The following HIVEP2 variants were observed in gnomAD, a reference collection of about 807,000 sequenced individuals.
HIVEP2 encodes the protein HIVEP zinc finger 2.
In HIVEP2, 14 loss-of-function variants were observed where a neutral mutation model predicts 180.7. The observed-to-expected ratio is 0.08, with a 90% CI of 0.05 to 0.12. HIVEP2 has a LOEUF of 0.12. Ranked by LOEUF, HIVEP2 falls within the 10% of genes least tolerant of loss-of-function variation. The pLI, the probability that HIVEP2 is intolerant of heterozygous loss-of-function variation, is 1.00. For missense variants in HIVEP2, 2,579 were observed against 3,008.5 expected, an observed-to-expected ratio of 0.86 and a Z score of 3.34; for synonymous variants, 1,184 against 1,136.4, an observed-to-expected ratio of 1.04 and a Z score of -0.84.
chr6:142,892,942 G>A (rs1359169380), intron 1 of HIVEP2, among the ~76,000 whole-genome samples: 2 of 152,172 alleles, frequency 1.3e-5, no homozygotes, highest in Non-Finnish European at 2.9e-5. Context: ...GGAGCTCGGC[G>A]AGGCTTCGTA....
At chr6:142,928,137 A>G (rs915252991) in intron 1 of HIVEP2, among the ~76,000 whole-genome samples, 1 of 152,206 alleles carries the variant, frequency 6.6e-6, no homozygotes, top group Non-Finnish European at 1.5e-5. Context: ...GTACCACTCT[A>G]GCGCAAGACT....
chr6:142,899,450 G>T (rs1254631515), intron 1 of HIVEP2, among the ~76,000 whole-genome samples: 1 of 152,096 alleles, frequency 6.6e-6, no homozygotes, highest in African/African-American at 2.4e-5. Flanking sequence ...TTCACTTCTA[G>T]ACCATTAGCT....
chr6:142,780,971 T>C (rs1231435110), intron 3 of HIVEP2, among the ~76,000 whole-genome samples: 1 of 152,218 alleles, frequency 6.6e-6, no homozygotes, highest in Non-Finnish European at 1.5e-5. Flanking sequence ...TTTAAAAGTA[T>C]GTTAGATAAG....
chr6:142,845,023 C>T (rs1242782313), intron 1 of HIVEP2, among the ~76,000 whole-genome samples: 3 of 152,330 alleles, frequency 2.0e-5, no homozygotes, highest in East Asian at 1.9e-4. Context: ...TCTTTGCAGG[C>T]TGCACGCTGC....
At chr6:142,782,490 T>G (rs1405973779) in intron 3 of HIVEP2, among the ~76,000 whole-genome samples, 1 of 152,146 alleles carries the variant, frequency 6.6e-6, no homozygotes, top group Non-Finnish European at 1.5e-5. Context: ...GAATAAAGAC[T>G]TATTTCCACA....
chr6:142,902,320 C>T (rs1231001544), intron 1 of HIVEP2, among the ~76,000 whole-genome samples: 1 of 145,326 alleles, frequency 6.9e-6, no homozygotes, highest in Non-Finnish European at 1.5e-5. Context: ...TGGTATTCTG[C>T]CCCCAAAACC....
intron 7 of HIVEP2, among the ~76,000 whole-genome samples, chr6:142,763,097 C>G (rs1775291425): frequency 6.6e-6 from 1 of 152,168 alleles, no homozygotes; most frequent in Admixed American, 6.5e-5. Context: ...GTTTCTTTCT[C>G]CTACATTTTT....
Position 142,922,736 on chromosome 6 carries a change from T to C in HIVEP2, c.-641+22363A>G, listed in dbSNP as rs530568939. On this transcript the variant is annotated intron_variant, in intron 1 of 9. Transcript: ENST00000367603. ...TCCCACTCTATACTGACTGCCTCTT[T>C]TCCAGTCGTAAGTCTGATTAAGCAA... Among the ~76,000 whole-genome samples, 163 of 152,314 alleles carry C rather than the reference T, an allele frequency of 1.1e-3. 1 individual carries two copies. Among genetic ancestry groups the C allele is most frequent in the Non-Finnish European group, 1.7e-3 (113 of 68,020 alleles).
rs201481323 is a variant in HIVEP2 at position 142,773,366 on chromosome 6, G to T, written c.1373C>A (p.Pro458Gln). 2.5e-6 allele frequency: 4 copies of T among 1,614,024 alleles called. No individual in the cohort carries two copies. In the African/African-American group the frequency reaches 5.3e-5, roughly 22 times the overall value. The change falls in exon 5 of 10, where the codon CCA becomes CAA. Residue 458 changes from proline to glutamine, a missense_variant. Transcript: ENST00000367603. ...TAACCTGGTGTTAACGTGAGGTAATGGTTCCATTATGCCCTTCCTACCCAT... is the reference window on the plus strand; with the variant it reads ...TAACCTGGTGTTAACGTGAGGTAATTGTTCCATTATGCCCTTCCTACCCAT... The part of the protein sequence containing the change: ...AAMGRKGIME[P>Q]LPHVNTRLDV...
At chr6:142,920,933 T>C (rs1777668764) in intron 1 of HIVEP2, among the ~76,000 whole-genome samples, 1 of 152,112 alleles carries the variant, frequency 6.6e-6, no homozygotes. Flanking sequence ...TAGTGAGCTA[T>C]TATCATGCCA....
intron 1 of HIVEP2, among the ~76,000 whole-genome samples, chr6:142,904,123 T>C (rs1777204356): frequency 6.6e-6 from 1 of 152,162 alleles, no homozygotes; most frequent in African/African-American, 2.4e-5. Context: ...ATTTTTAGAC[T>C]TAAAAACCCA....
chr6:142,896,243 G>C (rs1338233680), intron 1 of HIVEP2, among the ~76,000 whole-genome samples: 1 of 151,990 alleles, frequency 6.6e-6, no homozygotes, highest in African/African-American at 2.4e-5. Context: ...CAACCTTATG[G>C]AGACACCCAG....
intron 1 of HIVEP2, among the ~76,000 whole-genome samples, chr6:142,926,398 G>A (rs190511537): frequency 2.6e-5 from 4 of 152,254 alleles, no homozygotes; most frequent in African/African-American, 4.8e-5. Context: ...GTGTATTAAC[G>A]GCATGATGTT....
At position 142,770,147 on chromosome 6, in the gene HIVEP2, G is replaced by T; in HGVS notation, c.4592C>A (p.Pro1531Gln). ...SSSQDYPSVS[P>Q]SSREPFLPSK... ...GGGCAGGAATGGCTCCCTGGAAGAC[G>T]GGCTAACAGAAGGATAGTCTTGAGA... The change falls in exon 5 of 10, where the codon CCG (proline) becomes CAG (glutamine). Residue 1531 changes from proline to glutamine, a missense_variant. Pro to Gln is a moderately conservative substitution (Grantham distance 76). This residue lies in a region of HIVEP2 where 349 missense variants were observed against 367.2 expected (regional missense o/e 0.95). Coordinates refer to ENST00000367603, the MANE Select transcript of HIVEP2 (RefSeq NM_006734.4). The surrounding 1 kb of genome is among the most constrained non-coding windows in gnomAD (Gnocchi z 4.7). The T allele has an allele frequency of 1.2e-6, 2 of 1,614,200 alleles. No homozygotes were observed. Among genetic ancestry groups the T allele is most frequent in the Non-Finnish European group, 8.5e-7 (1 of 1,180,044 alleles).
At chr6:142,910,340 C>T (rs34616428) in intron 1 of HIVEP2, among the ~76,000 whole-genome samples, 9,468 of 152,314 alleles carry the variant, frequency 0.062, 388 homozygotes, top group Middle Eastern at 0.11. Context: ...TGGTGGCTTG[C>T]GCCTGTAATC....
At chr6:142,784,332 A>AC (rs1562516191) in intron 2 of HIVEP2, among the ~76,000 whole-genome samples, 3 of 152,318 alleles carry the variant, frequency 2.0e-5, no homozygotes, top group Middle Eastern at 3.4e-3. Flanking sequence ...TTTTGTCCTG[A>AC]CAAGTTATTA....
chr6:142,853,616 C>G (rs1729039531), intron 1 of HIVEP2, among the ~76,000 whole-genome samples: 1 of 152,134 alleles, frequency 6.6e-6, no homozygotes, highest in African/African-American at 2.4e-5. Flanking sequence ...AGCTTCTTGT[C>G]AAATAGTCAC....
intron 2 of HIVEP2, among the ~76,000 whole-genome samples, chr6:142,787,852 G>A (rs1329356759): frequency 6.6e-6 from 1 of 152,162 alleles, no homozygotes; most frequent in Non-Finnish European, 1.5e-5. Flanking sequence ...TTGGAACATG[G>A]GGCAATTCAT....
chr6:142,884,921 T>C (rs970017105), intron 1 of HIVEP2, among the ~76,000 whole-genome samples: 6 of 152,124 alleles, frequency 3.9e-5, no homozygotes, highest in Admixed American at 3.9e-4. Flanking sequence ...CCTCAAAGCA[T>C]GCTGATAAGA....
Sources: gnomAD v4.1 joint callset for allele counts (sites outside exome capture counted in the v4.1 genomes callset) on GRCh38, gnomAD v4.1.1 for gene constraint, gnomAD v4.1.1 regional missense constraint, Gnocchi (gnomAD v3.1) non-coding constraint, MANE v1.5 for transcripts, NCBI Gene and HGNC (gene_info 2026-07-23, HGNC 2026-07-21) for gene names.